The following WWOX variants were observed in gnomAD, a reference collection of about 807,000 sequenced individuals.
WWOX encodes WW domain containing oxidoreductase, also known as WW domain-containing oxidoreductase.
Under a neutral mutation model 46.2 loss-of-function variants are expected in WWOX, and 69 were observed. That is an observed-to-expected ratio of 1.49 (90% confidence interval 1.23 to 1.82). WWOX has a LOEUF of 1.82. WWOX is among the 40% of genes most tolerant of loss of function. WWOX has a pLI of 0.00. For synonymous variants in WWOX, 359 were observed against 202.6 expected (o/e 1.77, Z -6.56); for missense variants, 919 against 542.6 (o/e 1.69, Z -6.89).
intron 8 of WWOX, among the ~76,000 whole-genome samples, chr16:78,914,017 C>T (rs373119867): frequency 1.3e-5 from 2 of 151,938 alleles, no homozygotes; most frequent in African/African-American, 2.4e-5. Flanking sequence ...ATTATTGGTC[C>T]ATCTGAGGAT....
chr16:78,807,476 G>A (rs2051072979), intron 8 of WWOX, among the ~76,000 whole-genome samples: 2 of 152,200 alleles, frequency 1.3e-5, no homozygotes, highest in Non-Finnish European at 2.9e-5. Context: ...AAAAATGACA[G>A]CTATAACATC....
intron 8 of WWOX, among the ~76,000 whole-genome samples, chr16:78,492,124 T>G (rs1162265658): frequency 1.3e-5 from 2 of 152,102 alleles, no homozygotes; most frequent in Admixed American, 6.5e-5. Flanking sequence ...ACATGACAAG[T>G]AAATGAGCAA....
intron 8 of WWOX, among the ~76,000 whole-genome samples, chr16:78,474,026 T>G (rs984286669): frequency 1.3e-5 from 2 of 152,322 alleles, no homozygotes; most frequent in East Asian, 3.9e-4. Flanking sequence ...TTTACAGAGA[T>G]TTAAATGTGA....
chr16:78,883,286 C>CACA (rs2044382419), intron 8 of WWOX, among the ~76,000 whole-genome samples: 2 of 143,698 alleles, frequency 1.4e-5, no homozygotes, highest in African/African-American at 5.5e-5. Context: ...TCATCAGTAA[C>CACA]GCAGTAACGT....
intron 5 of WWOX, among the ~76,000 whole-genome samples, chr16:78,302,206 C>G (rs544733511): frequency 6.6e-6 from 1 of 152,308 alleles, no homozygotes; most frequent in Non-Finnish European, 1.5e-5. Context: ...GGTGATCTGC[C>G]TGCCTTGGCC....
chr16:78,567,053 C>G (rs1398029426), intron 8 of WWOX, among the ~76,000 whole-genome samples: 1 of 152,132 alleles, frequency 6.6e-6, no homozygotes, highest in African/African-American at 2.4e-5. Flanking sequence ...ATTTGTTAAT[C>G]CCACCCTAAG....
At chr16:78,664,941 G>C (rs1015033635) in intron 8 of WWOX, among the ~76,000 whole-genome samples, 1 of 152,176 alleles carries the variant, frequency 6.6e-6, no homozygotes, top group Non-Finnish European at 1.5e-5. Flanking sequence ...CAGCCTAATA[G>C]CCTAAACCCT....
chr16:78,105,704 G>C (rs2032095627), intron 1 of WWOX, among the ~76,000 whole-genome samples: 1 of 152,184 alleles, frequency 6.6e-6, no homozygotes, highest in Admixed American at 6.5e-5. Context: ...ACATGTCTGA[G>C]GGCCCAGCTT....
chr16:79,155,626 A>G (rs913340249), intron 8 of WWOX, among the ~76,000 whole-genome samples: 5 of 151,322 alleles, frequency 3.3e-5, no homozygotes, highest in Admixed American at 1.3e-4. Flanking sequence ...CTTTTACTCA[A>G]TGATACAGTG....
Position 78,449,478 on chromosome 16 carries a change from G to T in WWOX, c.1056+16726G>T, listed in dbSNP as rs187155658. ...TTTGTTTTAGATTTCAGTGCCTTTTGGGGACCCTGCTACATTGTGGTAGAT... is the reference window on the plus strand; with the variant it reads ...TTTGTTTTAGATTTCAGTGCCTTTTTGGGACCCTGCTACATTGTGGTAGAT... On this transcript the variant is annotated intron_variant, in intron 8 of 8. Transcript: ENST00000566780. Among the ~76,000 whole-genome samples, 17 of 152,244 alleles carry T rather than the reference G, an allele frequency of 1.1e-4. No homozygotes were observed. The East Asian group carries it at 2.7e-3, about 24-fold the overall frequency.
chr16:78,813,602 C>T (rs1997587), intron 8 of WWOX, among the ~76,000 whole-genome samples: 23,970 of 151,970 alleles, frequency 0.16, 2,369 homozygotes, highest in East Asian at 0.3. Flanking sequence ...TGTGTGAGCT[C>T]CTGTGTGTGT....
At chr16:79,055,859 C>T (rs546641791) in intron 8 of WWOX, among the ~76,000 whole-genome samples, 1 of 152,094 alleles carries the variant, frequency 6.6e-6, no homozygotes. Flanking sequence ...GAGGACTAAG[C>T]TTTGCTCTTT....
chr16:78,525,550 T>C (rs1313573332), intron 8 of WWOX: 4 of 152,182 alleles, frequency 2.6e-5, no homozygotes, highest in African/African-American at 9.7e-5. Context: ...TGGTTCTTAC[T>C]TTTCCATAAG....
intron 8 of WWOX, among the ~76,000 whole-genome samples, chr16:79,047,980 C>G (rs971100557): frequency 1.3e-5 from 2 of 152,260 alleles, no homozygotes; most frequent in East Asian, 1.9e-4. Flanking sequence ...GGAGAATTCA[C>G]TATATCCTCT....
chr16:78,962,851 G>C (rs1196235104), intron 8 of WWOX, among the ~76,000 whole-genome samples: 1 of 152,148 alleles, frequency 6.6e-6, no homozygotes, highest in Admixed American at 6.5e-5. Flanking sequence ...ATTTCTATCA[G>C]CATAGTTTTC....
rs57002311 is a variant in WWOX, at chr16:78,699,374, CAAA to C, written c.1056+266635_1056+266637del. Among the ~76,000 whole-genome samples the C allele has an allele frequency of 6.3e-5, 8 of 127,222 alleles. 1 individual carries two copies. The highest frequency in any genetic ancestry group is 1.9e-4 in the African/African-American group (7 of 36,972). 83.5% of individuals were successfully genotyped at this position (127,222 alleles called of 152,430 possible). ...TGAAGCCGTGTTTCTACAAAAAATA[CAAA>C]AAAAAAAAAAAATTAGCCAGGCGTG... On this transcript the variant is annotated intron_variant, in intron 8 of 8. Transcript: ENST00000566780.
chr16:78,125,985 C>A (rs1843484364), intron 4 of WWOX, among the ~76,000 whole-genome samples: 1 of 152,080 alleles, frequency 6.6e-6, no homozygotes, highest in Non-Finnish European at 1.5e-5. Context: ...CCAATTCTTA[C>A]CAGTTAGAAG....
chr16:79,052,616 C>G (rs1597327883), intron 8 of WWOX, among the ~76,000 whole-genome samples: 1 of 152,146 alleles, frequency 6.6e-6, no homozygotes, highest in Non-Finnish European at 1.5e-5. Flanking sequence ...CCAGTCGGAA[C>G]AAATACAGAA....
intron 8 of WWOX, among the ~76,000 whole-genome samples, chr16:78,853,058 T>G (rs2052486829): frequency 2.0e-5 from 3 of 152,164 alleles, no homozygotes; most frequent in African/African-American, 4.8e-5. Flanking sequence ...ATCTGCAAAA[T>G]GAGAATACCT....
Sources: allele counts gnomAD v4.1 joint callset (sites outside exome capture counted in the v4.1 genomes callset), GRCh38; gene constraint gnomAD v4.1.1; transcripts MANE v1.5; gene names NCBI Gene and HGNC (gene_info 2026-07-23, HGNC 2026-07-21).